LRCH3: variants seen among roughly 807,000 people sequenced by gnomAD.
The protein encoded by LRCH3 is DISP complex protein LRCH3.
Under a neutral mutation model 104.5 loss-of-function variants are expected in LRCH3, and 68 were observed. The ratio of observed to expected loss-of-function variants is 0.65; its 90% CI spans 0.54 to 0.80. LRCH3 has a LOEUF of 0.80. Ranked by LOEUF, LRCH3 falls within the 30% of genes least tolerant of loss-of-function variation. The pLI, the probability that LRCH3 is intolerant of heterozygous loss-of-function variation, is 0.00. For missense variants in LRCH3, 951 were observed against 953.9 expected, an observed-to-expected ratio of 1.00 and a Z score of 0.04; for synonymous variants, 344 against 361.3, an observed-to-expected ratio of 0.95 and a Z score of 0.54.
intron 3 of LRCH3, 44 bp downstream of exon 3, chr3:197,817,346 C>CTGTGTG (rs551929841): frequency 0.015 from 4,004 of 259,808 alleles, 619 homozygotes; most frequent in South Asian, 0.07. Context: ...GTGTGTGTGT[C>CTGTGTG]TGTGTGTGTG....
chr3:197,835,012 T>A (rs190343409), intron 8 of LRCH3, among the ~76,000 whole-genome samples: 1 of 151,848 alleles, frequency 6.6e-6, no homozygotes, highest in Non-Finnish European at 1.5e-5. Context: ...GGCGTGGTGG[T>A]GCACACCTGT....
chr3:197,853,838 AC>A (rs1372419252), intron 13 of LRCH3, among the ~76,000 whole-genome samples: 5 of 152,238 alleles, frequency 3.3e-5, no homozygotes, highest in Non-Finnish European at 1.5e-5. Context: ...TAATACTAAC[AC>A]ATTTTCGACA....
intron 8 of LRCH3, among the ~76,000 whole-genome samples, chr3:197,834,940 T>TC (rs1736504369): frequency 1.3e-5 from 2 of 152,044 alleles, no homozygotes; most frequent in Admixed American, 6.6e-5. Context: ...GCCCAGGAGT[T>TC]GGAGACCAGC....
Position 197,847,449 on chromosome 3 carries a change from A to C in LRCH3, c.1369A>C (p.Ser457Arg), listed in dbSNP as rs141107517. 1.2e-6 allele frequency: 2 copies of C among 1,600,652 alleles called. No individual in the cohort carries two copies. The highest frequency in any genetic ancestry group is 2.7e-5 in the African/African-American group (2 of 74,048). ...ATCTTCCCTCCTGTCACTATCAGCA[A>C]GTCACAATCAGGTAATGTTTAGTAG... Reference protein sequence around the residue: ...EPSSLLSLSASHNQLSHTDLE... With the variant: ...EPSSLLSLSARHNQLSHTDLE... Residue 457 changes from serine (S) to arginine (R), a missense_variant, in exon 11 of 21, where the codon AGT (serine) becomes CGT (arginine). Ser to Arg is a moderately radical substitution (Grantham distance 110). Transcript: ENST00000425562.
rs1034526153 is a variant in LRCH3, at chr3:197,871,384, C to T, written c.2052C>T (p.Asp684=). 8.7e-6 allele frequency: 14 copies of T among 1,614,000 alleles called. No homozygotes were observed. Among genetic ancestry groups the T allele is most frequent in the Middle Eastern group, 3.3e-4 (2 of 6,062 alleles). The change falls in exon 19 of 21, where the codon GAC becomes GAT. Residue 684 remains aspartate (D), a synonymous_variant. Transcript: ENST00000425562. ...GTGATCTCGGAGCAGCTCTAACTGA[C>T]GGTGTTGTTCTTTGCCATTTGGCCA... The part of the protein sequence containing the change: ...LPCDLGAALT[D]GVVLCHLANH...
At chr3:197,839,750 C>T (rs1041015046) in intron 10 of LRCH3, among the ~76,000 whole-genome samples, 6 of 151,988 alleles carry the variant, frequency 3.9e-5, no homozygotes, top group South Asian at 2.1e-4. Flanking sequence ...GAGGCCAAGA[C>T]GGGAGGCTTG....
intron 20 of LRCH3, among the ~76,000 whole-genome samples, chr3:197,879,996 A>ACT (rs1713504916): frequency 1.4e-5 from 2 of 145,718 alleles, no homozygotes; most frequent in Non-Finnish European, 3.0e-5. Context: ...CCCAGGCTGG[A>ACT]GTGCGGTGGC....
chr3:197,810,478 C>A lies in LRCH3; in HGVS notation c.263-4430C>A, dbSNP rs1277994000. Among the ~76,000 whole-genome samples, 1 of 152,076 alleles carries A rather than the reference C, an allele frequency of 6.6e-6. No individual in the cohort carries two copies. Among genetic ancestry groups the A allele is most frequent in the African/African-American group, 2.4e-5 (1 of 41,390 alleles). ...ATTTTATTTTTAAACTTGGAGAGGT[C>A]AGCTCCAAGTCTGGGATGCATGAGG... On this transcript the variant is annotated intron_variant, in intron 1 of 20. Coordinates refer to ENST00000425562, the MANE Select transcript of LRCH3 (RefSeq NM_001365715.1). The surrounding 1 kb of genome is among the most constrained non-coding windows in gnomAD (Gnocchi z 4.0).
At chr3:197,834,944 G>C (rs1044267648) in intron 8 of LRCH3, among the ~76,000 whole-genome samples, 4 of 152,086 alleles carry the variant, frequency 2.6e-5, no homozygotes, top group Admixed American at 2.0e-4. Flanking sequence ...AGGAGTTGGA[G>C]ACCAGCCTGG....
At chr3:197,866,321 A>T in intron 17 of LRCH3, 102 bp downstream of exon 17, 1 of 758,804 alleles carries the variant, frequency 1.3e-6, no homozygotes, top group Non-Finnish European at 2.3e-6. Context: ...AGTATAAGAC[A>T]AAGCTATCAG....
In LRCH3 at chr3:197,856,884, T is replaced by C. The variant is rs1195728414; in HGVS notation, c.1645-1950T>C. Among the ~76,000 whole-genome samples, 2 of 152,256 alleles carry C rather than the reference T, an allele frequency of 1.3e-5. No homozygotes were observed. The highest frequency in any genetic ancestry group is 2.9e-5 in the Non-Finnish European group (2 of 68,052). On this transcript the variant is annotated intron_variant, in intron 14 of 20. Coordinates refer to ENST00000425562, the MANE Select transcript of LRCH3 (RefSeq NM_001365715.1). This position sits in a 1 kb window ranked among gnomAD's most constrained non-coding sequence, Gnocchi z 4.2. Reference sequence around the variant, plus strand: ...GCATCTACTGATTATTAAATTGTTTTGTGATGAAAAGGTCTGATGAACGAT... The same window carrying C: ...GCATCTACTGATTATTAAATTGTTTCGTGATGAAAAGGTCTGATGAACGAT...
At chr3:197,825,730 C>T (rs1483461116) in intron 4 of LRCH3, among the ~76,000 whole-genome samples, 4 of 151,840 alleles carry the variant, frequency 2.6e-5, no homozygotes, top group East Asian at 3.9e-4. Context: ...CCGCCTGCCT[C>T]GGCCTCCCAA....
chr3:197,819,921 G>A (rs1335601749), intron 3 of LRCH3, among the ~76,000 whole-genome samples: 1 of 152,008 alleles, frequency 6.6e-6, no homozygotes, highest in Non-Finnish European at 1.5e-5. Flanking sequence ...TGTTGCCCAC[G>A]CTGGTCTGAA....
chr3:197,814,743 T>G (rs1050106699), intron 1 of LRCH3, among the ~76,000 whole-genome samples, 165 bp from the exon 2 acceptor site: 1 of 152,230 alleles, frequency 6.6e-6, no homozygotes, highest in Admixed American at 6.5e-5. Flanking sequence ...TATTTGGAAC[T>G]GATTGATACG....
intron 5 of LRCH3, among the ~76,000 whole-genome samples, chr3:197,828,407 G>A (rs1338043214): frequency 4.6e-5 from 7 of 151,912 alleles, no homozygotes; most frequent in African/African-American, 1.5e-4. Context: ...GTGCAGTGGC[G>A]CGATCTCGGC....
At chr3:197,791,633 CTCG>C in intron 1 of LRCH3, 93 bp downstream of exon 1, 1 of 1,382,758 alleles carries the variant, frequency 7.2e-7, no homozygotes, top group Non-Finnish European at 9.4e-7. Flanking sequence ...GTTACAGCAG[CTCG>C]TCCCGTAGGC....
intron 1 of LRCH3, among the ~76,000 whole-genome samples, chr3:197,796,527 G>A (rs929202197): frequency 2.0e-5 from 3 of 152,200 alleles, no homozygotes; most frequent in African/African-American, 7.2e-5. Flanking sequence ...TGTTAAACCT[G>A]TAAGACTAGA....
intron 9 of LRCH3, among the ~76,000 whole-genome samples, chr3:197,836,256 T>A (rs1298124324): frequency 1.3e-5 from 2 of 152,262 alleles, no homozygotes; most frequent in African/African-American, 2.4e-5. Flanking sequence ...ATAGAATTTT[T>A]ATAATATGCT....
intron 4 of LRCH3, among the ~76,000 whole-genome samples, chr3:197,821,500 C>T (rs1734486519): frequency 6.6e-6 from 1 of 152,160 alleles, no homozygotes; most frequent in African/African-American, 2.4e-5. Flanking sequence ...CATGGCAAGT[C>T]TTGTCTCAAC....
Sources: allele counts gnomAD v4.1 joint callset (sites outside exome capture counted in the v4.1 genomes callset), GRCh38; gene constraint gnomAD v4.1.1; non-coding constraint Gnocchi (gnomAD v3.1); transcripts MANE v1.5; gene names NCBI Gene and HGNC (gene_info 2026-07-23, HGNC 2026-07-21).